The following RYR2 variants were observed in gnomAD, a reference collection of about 807,000 sequenced individuals.
RYR2 encodes ryanodine receptor 2, also known as cardiac muscle ryanodine receptor-calcium release channel.
Under a neutral mutation model 601.1 loss-of-function variants are expected in RYR2, and 227 were observed. That is an observed-to-expected ratio of 0.38 (90% CI 0.34 to 0.42). The LOEUF is 0.42. Among genes scored for constraint, RYR2 ranks in the 10% least tolerant of loss-of-function variants. The pLI, the probability that RYR2 is intolerant of heterozygous loss-of-function variation, is 1.00. For missense variants in RYR2, 4,646 were observed against 6,156.5 expected (o/e 0.75, Z 8.21); for synonymous variants, 2,223 against 2,175.1 (o/e 1.02, Z -0.61).
chr1:237,205,912 G>A (rs896028866), intron 1 of RYR2, among the ~76,000 whole-genome samples: 15 of 152,312 alleles, frequency 9.8e-5, no homozygotes, highest in Non-Finnish European at 2.1e-4. Flanking sequence ...ACAACTGGAA[G>A]CCGTGAGTCA....
rs1345306237 is a variant in RYR2, at chr1:237,208,950, A to ATG, written c.49-61546_49-61545insGT. Among the ~76,000 whole-genome samples, 197 of 57,440 alleles carry ATG rather than the reference A, an allele frequency of 3.4e-3. 4 individuals carry two copies. In the Middle Eastern group the frequency reaches 0.037, roughly 11 times the overall value. 37.7% of individuals were successfully genotyped at this position (57,440 alleles called of 152,430 possible). On this transcript the variant is annotated intron_variant, in intron 1 of 104. Coordinates refer to ENST00000366574, the MANE Select transcript of RYR2 (RefSeq NM_001035.3). The stretch of plus-strand genomic sequence containing the variant: ...AATGTGTGTGTGTATATATATATAT[A>ATG]TATATATATATATATATATATATAT...
chr1:237,282,995 A>G (rs1691053477), intron 2 of RYR2, among the ~76,000 whole-genome samples: 1 of 152,158 alleles, frequency 6.6e-6, no homozygotes, highest in Non-Finnish European at 1.5e-5. Context: ...ACCTGTTGCC[A>G]CTTGCCAATT....
intron 1 of RYR2, among the ~76,000 whole-genome samples, chr1:237,093,623 C>A (rs1417805882): frequency 1.3e-5 from 2 of 152,058 alleles, no homozygotes; most frequent in Non-Finnish European, 2.9e-5. Context: ...AAGTGATCAG[C>A]CCTGGATGGA....
chr1:237,291,908 A>C (rs957678449), intron 2 of RYR2, among the ~76,000 whole-genome samples: 1 of 152,204 alleles, frequency 6.6e-6, no homozygotes, highest in African/African-American at 2.4e-5. Context: ...AGTGTAAACT[A>C]TAGTCTTTGG....
intron 1 of RYR2, among the ~76,000 whole-genome samples, chr1:237,160,372 A>G (rs535864978): frequency 5.9e-5 from 9 of 152,152 alleles, no homozygotes; most frequent in Non-Finnish European, 1.2e-4. Flanking sequence ...TTATTTCTTT[A>G]GTATTGCTTC....
intron 25 of RYR2, among the ~76,000 whole-genome samples, chr1:237,541,129 A>T (rs909877587): frequency 3.3e-5 from 5 of 152,356 alleles, no homozygotes; most frequent in South Asian, 2.1e-4. Flanking sequence ...GTAATTATGA[A>T]GAAAAGAAAA....
At chr1:237,544,909 GT>G (rs1669641573) in intron 25 of RYR2, among the ~76,000 whole-genome samples, 1 of 152,126 alleles carries the variant, frequency 6.6e-6, no homozygotes, top group Non-Finnish European at 1.5e-5. Context: ...AGATGTTCAT[GT>G]TTATTTTTAC....
At chr1:237,373,799 C>T (rs1379421732) in intron 6 of RYR2, among the ~76,000 whole-genome samples, 2 of 152,182 alleles carry the variant, frequency 1.3e-5, no homozygotes, top group African/African-American at 2.4e-5. Flanking sequence ...AGTGCAGTGA[C>T]ATGCTGTGCA....
At chr1:237,191,261 A>G (rs1679940689) in intron 1 of RYR2, among the ~76,000 whole-genome samples, 1 of 152,062 alleles carries the variant, frequency 6.6e-6, no homozygotes, top group Non-Finnish European at 1.5e-5. Flanking sequence ...ATTCTGTTCC[A>G]TCGGCCTATA....
chr1:237,620,499 C>T (rs566703395), intron 38 of RYR2, among the ~76,000 whole-genome samples: 1 of 152,106 alleles, frequency 6.6e-6, no homozygotes, highest in South Asian at 2.1e-4. Flanking sequence ...ATACCAATTA[C>T]AAGAAATTGG....
intron 1 of RYR2, among the ~76,000 whole-genome samples, chr1:237,161,324 AC>A (rs2148862251): frequency 6.8e-6 from 1 of 147,250 alleles, no homozygotes; most frequent in African/African-American, 2.5e-5. Context: ...TGTATAAAAC[AC>A]CCCTGTCTTC....
chr1:237,488,549 G>A (rs769403195), intron 17 of RYR2, among the ~76,000 whole-genome samples: 1 of 152,116 alleles, frequency 6.6e-6, no homozygotes, highest in Non-Finnish European at 1.5e-5. Flanking sequence ...AAGGCTGGAT[G>A]TACACTGTGA....
chr1:237,560,029 T>C (rs1345754925), intron 27 of RYR2, among the ~76,000 whole-genome samples: 1 of 152,250 alleles, frequency 6.6e-6, no homozygotes, highest in Non-Finnish European at 1.5e-5. Context: ...GCACATGCCT[T>C]CAACACTCAA....
chr1:237,243,577 G>T (rs1686449741), intron 1 of RYR2, among the ~76,000 whole-genome samples: 1 of 152,084 alleles, frequency 6.6e-6, no homozygotes. Context: ...CAGGACTCTT[G>T]GGTTTTTATG....
At chr1:237,436,451 TTCC>T (rs76622885) in intron 12 of RYR2, among the ~76,000 whole-genome samples, 1 of 130,122 alleles carries the variant, frequency 7.7e-6, no homozygotes, top group Non-Finnish European at 1.6e-5. Context: ...ATGTGTGATT[TTCC>T]TTTTTTTTTT....
chr1:237,570,812 A>G (rs1315557859), intron 29 of RYR2, among the ~76,000 whole-genome samples: 1 of 152,172 alleles, frequency 6.6e-6, no homozygotes, highest in Non-Finnish European at 1.5e-5. Flanking sequence ...TAAACAAGAC[A>G]GTATCTGATA....
intron 50 of RYR2, 64 bp from the exon 51 acceptor site, chr1:237,651,347 A>T: frequency 9.1e-7 from 1 of 1,096,604 alleles, no homozygotes; most frequent in South Asian, 1.3e-5. Context: ...ATTTATTCTA[A>T]TGAATGATCT....
chr1:237,739,367 C>G (rs1691416712), intron 79 of RYR2, among the ~76,000 whole-genome samples: 1 of 152,164 alleles, frequency 6.6e-6, no homozygotes, highest in Admixed American at 6.5e-5. Context: ...TGCATCATGC[C>G]TACCCTGCTC....
At chr1:237,594,502 G>T in intron 33 of RYR2, among the ~76,000 whole-genome samples, 1 of 152,112 alleles carries the variant, frequency 6.6e-6, no homozygotes, top group Middle Eastern at 3.2e-3. Flanking sequence ...CATGTCTCCA[G>T]GAATATTTTT....
Sources: allele counts gnomAD v4.1 joint callset (sites outside exome capture counted in the v4.1 genomes callset), GRCh38; gene constraint gnomAD v4.1.1; transcripts MANE v1.5; gene names NCBI Gene and HGNC (gene_info 2026-07-23, HGNC 2026-07-21).